Variants in PAPPA2 observed in about 807,000 individuals in gnomAD.
PAPPA2 encodes the protein pappalysin-2.
Under a neutral mutation model 176.4 loss-of-function variants are expected in PAPPA2, and 86 were observed. That is an observed-to-expected ratio of 0.49 (90% confidence interval 0.41 to 0.58). The LOEUF (loss-of-function observed/expected upper bound fraction) is 0.58, where lower values mean the gene tolerates loss of function less well. Ranked by LOEUF, PAPPA2 falls within the 20% of genes least tolerant of loss-of-function variation. The pLI is 0.00. For missense variants in PAPPA2, 2,073 were observed against 2,256.9 expected (o/e 0.92, Z 1.65); for synonymous variants, 809 against 852.2 (o/e 0.95, Z 0.88).
At chr1:176,767,995 A>G (rs1033780548) in intron 15 of PAPPA2, among the ~76,000 whole-genome samples, 4 of 152,198 alleles carry the variant, frequency 2.6e-5, no homozygotes, top group Non-Finnish European at 4.4e-5. Context: ...GCAGCTAGCC[A>G]GGAGTTGGTG....
intron 12 of PAPPA2, among the ~76,000 whole-genome samples, chr1:176,714,843 T>C (rs1346068345): frequency 6.6e-6 from 1 of 152,194 alleles, no homozygotes. Flanking sequence ...TCCTGTTTGC[T>C]CTCTCAATTA....
chr1:176,709,664 ATTAC>A (rs1487906330), intron 10 of PAPPA2, among the ~76,000 whole-genome samples: 1 of 152,124 alleles, frequency 6.6e-6, no homozygotes, highest in Admixed American at 6.6e-5. Context: ...TTACTCAACT[ATTAC>A]TTAAAATTTC....
chr1:176,789,828 T>C lies in PAPPA2; in HGVS notation c.4735T>C (p.Cys1579Arg). 6.2e-7 allele frequency: 1 copy of C among 1,613,890 alleles called. No individual in the cohort carries two copies. Among genetic ancestry groups the C allele is most frequent in the Non-Finnish European group, 8.5e-7 (1 of 1,179,918 alleles). The change falls in exon 18 of 23, where the codon TGC becomes CGC. Residue 1579 changes from cysteine (C) to arginine (R), a missense_variant. Coordinates refer to ENST00000367662, the MANE Select transcript of PAPPA2 (RefSeq NM_020318.3). ...KVRNKLLKIQCLEGGIWEQGS... is the reference protein window; with the variant it reads ...KVRNKLLKIQRLEGGIWEQGS... Reference sequence around the variant, plus strand: ...TATCAGCAAGCTCCTGAAGATACAATGCCTGGAAGGTGGAATCTGGGAGCA... The same window carrying C: ...TATCAGCAAGCTCCTGAAGATACAACGCCTGGAAGGTGGAATCTGGGAGCA...
chr1:176,726,514 T>C (rs747653283), intron 12 of PAPPA2, among the ~76,000 whole-genome samples: 2 of 152,210 alleles, frequency 1.3e-5, no homozygotes, highest in Non-Finnish European at 2.9e-5. Context: ...ATATTGATAA[T>C]ATCTTTTATG....
chr1:176,524,859 T>A (rs1558416754), intron 1 of PAPPA2, among the ~76,000 whole-genome samples: 1 of 151,692 alleles, frequency 6.6e-6, no homozygotes, highest in African/African-American at 2.4e-5. Context: ...CCGTCTCTAC[T>A]AAAAAAATAC....
intron 4 of PAPPA2, among the ~76,000 whole-genome samples, chr1:176,688,721 G>C (rs1280915023): frequency 6.6e-6 from 1 of 152,128 alleles, no homozygotes; most frequent in Non-Finnish European, 1.5e-5. Flanking sequence ...AGTAAACTGG[G>C]AGACTGGAAC....
At chr1:176,680,337 T>A (rs1659522088) in intron 4 of PAPPA2, among the ~76,000 whole-genome samples, 1 of 152,156 alleles carries the variant, frequency 6.6e-6, no homozygotes, top group African/African-American at 2.4e-5. Context: ...TCTGTAAATT[T>A]GTGTTTCTAT....
intron 17 of PAPPA2, among the ~76,000 whole-genome samples, chr1:176,787,864 C>T (rs1665009450): frequency 6.6e-6 from 1 of 151,790 alleles, no homozygotes; most frequent in Non-Finnish European, 1.5e-5. Flanking sequence ...AGTTCAAGAC[C>T]AGCCTGAGCA....
chr1:176,551,207 A>T (rs1650929083), intron 1 of PAPPA2, among the ~76,000 whole-genome samples: 1 of 152,194 alleles, frequency 6.6e-6, no homozygotes, highest in Non-Finnish European at 1.5e-5. Context: ...AGCAACCCTG[A>T]GCCTTGGAGT....
In PAPPA2 at chr1:176,560,625, G is replaced by T. The variant is rs764483395; in HGVS notation, c.919+3384G>T. Among the ~76,000 whole-genome samples the T allele has an allele frequency of 2.2e-4, 33 of 152,142 alleles. 1 individual carries two copies. Among genetic ancestry groups the T allele is most frequent in the Non-Finnish European group, 1.0e-4 (7 of 68,014 alleles). On this transcript the variant is annotated intron_variant, in intron 2 of 22. Transcript: ENST00000367662. ...GTAGACTGAGGTCAGGAGCCCATTT[G>T]GTTGGGCCATTGGAACTGAGAACTG...
At chr1:176,772,927 A>G (rs1024869507) in intron 17 of PAPPA2, among the ~76,000 whole-genome samples, 1 of 152,166 alleles carries the variant, frequency 6.6e-6, no homozygotes, top group Non-Finnish European at 1.5e-5. Flanking sequence ...AGTGCCATGA[A>G]GAATAAATGA....
chr1:176,671,163 T>G, intron 4 of PAPPA2, 48 bp downstream of exon 4: 1 of 1,597,692 alleles, frequency 6.3e-7, no homozygotes, highest in Non-Finnish European at 8.5e-7. Flanking sequence ...CAAAGAAGGC[T>G]GAAGGAAGCT....
At chr1:176,796,797 C>T (rs897776045) in intron 20 of PAPPA2, among the ~76,000 whole-genome samples, 27 of 145,500 alleles carry the variant, frequency 1.9e-4, no homozygotes, top group African/African-American at 6.6e-4. Context: ...TGTCTTTCTT[C>T]CTCCCTCTCT....
At chr1:176,532,957 T>A (rs1649893585) in intron 1 of PAPPA2, among the ~76,000 whole-genome samples, 1 of 152,226 alleles carries the variant, frequency 6.6e-6, no homozygotes, top group African/African-American at 2.4e-5. Context: ...ATGGCAATCT[T>A]GTGGGTGGTT....
chr1:176,653,768 T>C (rs1657880268), intron 3 of PAPPA2, among the ~76,000 whole-genome samples: 1 of 151,716 alleles, frequency 6.6e-6, no homozygotes, highest in Admixed American at 6.6e-5. Flanking sequence ...TCTGTCTCTA[T>C]TGCTCTTTTG....
At chr1:176,520,297 A>G (rs993745615) in intron 1 of PAPPA2, among the ~76,000 whole-genome samples, 17 of 152,176 alleles carry the variant, frequency 1.1e-4, no homozygotes, top group African/African-American at 4.1e-4. Context: ...CTGGTCAAAA[A>G]TGTTCACCCT....
At chr1:176,560,736 C>G (rs989550892) in intron 2 of PAPPA2, among the ~76,000 whole-genome samples, 1 of 152,228 alleles carries the variant, frequency 6.6e-6, no homozygotes, top group Non-Finnish European at 1.5e-5. Flanking sequence ...CCTTTCCCGC[C>G]TTCTCAACTT....
chr1:176,667,917 A>G (rs1244049277), intron 3 of PAPPA2, among the ~76,000 whole-genome samples: 3 of 152,150 alleles, frequency 2.0e-5, no homozygotes, highest in Non-Finnish European at 4.4e-5. Context: ...GGAACCAAGC[A>G]GTAGTTGAAG....
intron 3 of PAPPA2, among the ~76,000 whole-genome samples, chr1:176,669,810 T>C (rs1658882260): frequency 6.6e-6 from 1 of 152,150 alleles, no homozygotes; most frequent in African/African-American, 2.4e-5. Context: ...ATGAAATAGA[T>C]GGCATCAACA....
Sources: allele counts gnomAD v4.1 joint callset (sites outside exome capture counted in the v4.1 genomes callset), GRCh38; gene constraint gnomAD v4.1.1; transcripts MANE v1.5; gene names NCBI Gene and HGNC (gene_info 2026-07-23, HGNC 2026-07-21).